Variants in PDLIM5 observed in about 807,000 individuals in gnomAD.
PDLIM5 encodes PDZ and LIM domain protein 5.
PDLIM5 carries 34 observed loss-of-function variants against 64.2 expected under a neutral mutation model. The ratio of observed to expected loss-of-function variants is 0.53; its 90% CI spans 0.40 to 0.71. The LOEUF is 0.71. PDLIM5 is among the 30% of genes least tolerant of loss of function. PDLIM5 has a pLI of 0.00. For missense variants in PDLIM5, 683 were observed against 733.6 expected (o/e 0.93, Z 0.80); for synonymous variants, 253 against 269.1 (o/e 0.94, Z 0.59).
Position 94,664,235 on chromosome 4 carries a change from A to G in PDLIM5, c.*168A>G, listed in dbSNP as rs1742953708. 1 of 1,166,274 alleles carries G rather than the reference A, an allele frequency of 8.6e-7. No homozygotes were observed. Among genetic ancestry groups the G allele is most frequent in the Non-Finnish European group, 1.1e-6 (1 of 930,346 alleles). The allele number at this position is 1,166,274 out of a possible 1,614,324, so 72.2% of individuals were successfully genotyped here. A position where few individuals can be genotyped will look rare whatever the true frequency, so the allele number is the denominator to read the frequency against. On this transcript the variant is annotated 3_prime_UTR_variant, in exon 13 of 13. Coordinates refer to ENST00000317968, the MANE Select transcript of PDLIM5 (RefSeq NM_006457.5). ...CAAGTCTGAGGAAATATTTGGCTTC[A>G]TAAAGTAAAGAGACGGTTTGGCATT...
At chr4:94,631,463 C>T (rs1044093714) in intron 8 of PDLIM5, among the ~76,000 whole-genome samples, 5 of 152,144 alleles carry the variant, frequency 3.3e-5, no homozygotes, top group Non-Finnish European at 7.3e-5. Flanking sequence ...ATAACGCCTT[C>T]ATACATTTTT....
intron 2 of PDLIM5, among the ~76,000 whole-genome samples, chr4:94,493,033 C>G (rs1336335167): frequency 1.3e-5 from 2 of 152,110 alleles, no homozygotes; most frequent in Non-Finnish European, 2.9e-5. Flanking sequence ...CATGGCAACA[C>G]TTGTTATTGT....
At chr4:94,498,685 G>A (rs549539022) in intron 2 of PDLIM5, among the ~76,000 whole-genome samples, 3 of 152,312 alleles carry the variant, frequency 2.0e-5, no homozygotes, top group Admixed American at 6.5e-5. Context: ...ATGAATGCAT[G>A]TGTGCATCCA....
intron 5 of PDLIM5, chr4:94,579,636 A>C: frequency 1.9e-6 from 1 of 518,102 alleles, no homozygotes; most frequent in Non-Finnish European, 3.4e-6. Flanking sequence ...ATTTTGCAAA[A>C]GAGCTGTAAT....
At chr4:94,621,898 A>G (rs1332746924) in intron 8 of PDLIM5, among the ~76,000 whole-genome samples, 3 of 152,234 alleles carry the variant, frequency 2.0e-5, no homozygotes, top group Non-Finnish European at 2.9e-5. Flanking sequence ...ACAAAATTAT[A>G]AAAAGAATGT....
intron 3 of PDLIM5, among the ~76,000 whole-genome samples, chr4:94,530,992 C>G (rs73833932): frequency 0.017 from 2,619 of 152,208 alleles, 73 homozygotes; most frequent in African/African-American, 0.06. Context: ...GTACTTTTTT[C>G]AATCGAAGTT....
At chr4:94,574,655 A>G (rs1735099222) in intron 4 of PDLIM5, among the ~76,000 whole-genome samples, 1 of 152,132 alleles carries the variant, frequency 6.6e-6, no homozygotes, top group Non-Finnish European at 1.5e-5. Context: ...CTAACGCTCT[A>G]CCTCTGAGCT....
intron 11 of PDLIM5, among the ~76,000 whole-genome samples, chr4:94,659,861 C>T (rs1742536377): frequency 6.7e-6 from 1 of 149,366 alleles, no homozygotes; most frequent in Non-Finnish European, 1.5e-5. Context: ...TTAGATCAAG[C>T]TTAAACCCTT....
Position 94,540,204 on chromosome 4 carries a change from C to T in PDLIM5, c.248+16329C>T, listed in dbSNP as rs1034716259. On this transcript the variant is annotated intron_variant, in intron 3 of 12. Transcript: ENST00000317968. Reference sequence around the variant, plus strand: ...GGAGTGCAGTGGCGCGATCTCGGCTCATTGCAAGCTCTGCCTCCCGGGTTC... The same window carrying T: ...GGAGTGCAGTGGCGCGATCTCGGCTTATTGCAAGCTCTGCCTCCCGGGTTC... 3.3e-5 allele frequency among the ~76,000 whole-genome samples: 5 copies of T among 150,806 alleles called. No homozygotes were observed. The South Asian group carries it at 6.3e-4, about 19-fold the overall frequency.
chr4:94,654,301 CTG>C (rs1244162395), intron 9 of PDLIM5, among the ~76,000 whole-genome samples, 157 bp from the exon 10 acceptor site: 1 of 152,196 alleles, frequency 6.6e-6, no homozygotes, highest in Non-Finnish European at 1.5e-5. Context: ...CAGAGTCCCT[CTG>C]TGAATTTACA....
rs555548196 is a variant in PDLIM5, at chr4:94,494,743, G to GT, written c.97-28974dup. On this transcript the variant is annotated intron_variant, in intron 2 of 12. Transcript: ENST00000317968. ...ATGTGAGCCACCGTGCCTGACCACA[G>GT]TTTTTTTGCTATCGTTGTTTTTTGT... is the stretch of plus-strand genomic sequence containing the variant. Among the ~76,000 whole-genome samples, 11 of 150,824 alleles carry GT rather than the reference G, an allele frequency of 7.3e-5. 1 individual carries two copies. The South Asian group carries it at 2.3e-3, about 32-fold the overall frequency.
chr4:94,664,979 T>C lies in PDLIM5; in HGVS notation c.*912T>C, dbSNP rs761095024. ...TGTGTCATGCCAGTAAGAGATGTTA[T>C]ATTCTTTTCTCATTTCTTCCCCACC... On this transcript the variant is annotated 3_prime_UTR_variant, in exon 13 of 13. Coordinates refer to ENST00000317968, the MANE Select transcript of PDLIM5 (RefSeq NM_006457.5). The C allele has an allele frequency of 1.3e-5, 13 of 981,990 alleles. No homozygotes were observed. The highest frequency in any genetic ancestry group is 1.6e-5 in the Non-Finnish European group (13 of 826,856). The allele number at this position is 981,990 out of a possible 1,614,324, so 60.8% of individuals were successfully genotyped here. A position where few individuals can be genotyped will look rare whatever the true frequency, so the allele number is the denominator to read the frequency against.
At chr4:94,526,885 A>C (rs1730409424) in intron 3 of PDLIM5, among the ~76,000 whole-genome samples, 1 of 150,672 alleles carries the variant, frequency 6.6e-6, no homozygotes, top group African/African-American at 2.4e-5. Context: ...GGCGCATGTC[A>C]CCATTCCTGG....
chr4:94,631,447 A>G (rs1205000436), intron 8 of PDLIM5, among the ~76,000 whole-genome samples: 3 of 152,344 alleles, frequency 2.0e-5, no homozygotes. Flanking sequence ...CAAGGAAAAT[A>G]AAATAATAAC....
rs149745318 is a variant in PDLIM5 at position 94,566,744 on chromosome 4, C to A, written c.249-6607C>A. Reference sequence around the variant, plus strand: ...AGGCGGGAACTCTGTCTCTTTAGGGCTCTAAGCTTTTCTTGAAAGGAAGAA... The same window carrying A: ...AGGCGGGAACTCTGTCTCTTTAGGGATCTAAGCTTTTCTTGAAAGGAAGAA... On this transcript the variant is annotated intron_variant, in intron 3 of 12. Transcript: ENST00000317968. Among the ~76,000 whole-genome samples, 578 of 152,236 alleles carry A rather than the reference C, an allele frequency of 3.8e-3. 2 individuals are homozygous for A. The highest frequency in any genetic ancestry group is 0.013 in the African/African-American group (547 of 41,532).
intron 2 of PDLIM5, among the ~76,000 whole-genome samples, chr4:94,466,256 C>G (rs567343914): frequency 1.3e-5 from 2 of 152,324 alleles, no homozygotes; most frequent in South Asian, 4.1e-4. Context: ...GCCTGAGCCA[C>G]TGGGCCAGGT....
intron 2 of PDLIM5, among the ~76,000 whole-genome samples, chr4:94,521,117 G>C (rs1729788912): frequency 6.6e-6 from 1 of 152,144 alleles, no homozygotes; most frequent in Non-Finnish European, 1.5e-5. Context: ...AAACAGATTG[G>C]TGACAAATTA....
intron 3 of PDLIM5, among the ~76,000 whole-genome samples, chr4:94,527,420 C>T (rs1730473612): frequency 6.6e-6 from 1 of 152,138 alleles, no homozygotes; most frequent in Admixed American, 6.5e-5. Context: ...CCAGATTACT[C>T]TGAATTCTTC....
Position 94,664,289 on chromosome 4 carries a change from C to T in PDLIM5, c.*222C>T, listed in dbSNP as rs1742956797. 1.1e-6 allele frequency: 1 copy of T among 886,136 alleles called. No homozygotes were observed. The highest frequency in any genetic ancestry group is 5.0e-5 in the South Asian group (1 of 19,868). The allele number at this position is 886,136 out of a possible 1,614,324, so 54.9% of individuals were successfully genotyped here. On this transcript the variant is annotated 3_prime_UTR_variant, in exon 13 of 13. Transcript: ENST00000317968. ...TATTACTTTTTCCTGTATTTTATGCCCATAAAATAAGCTTTATAAAAACCA... is the reference window on the plus strand; with the variant it reads ...TATTACTTTTTCCTGTATTTTATGCTCATAAAATAAGCTTTATAAAAACCA...
Sources: allele counts gnomAD v4.1 joint callset (sites outside exome capture counted in the v4.1 genomes callset), GRCh38; gene constraint gnomAD v4.1.1; transcripts MANE v1.5; gene names NCBI Gene and HGNC (gene_info 2026-07-23, HGNC 2026-07-21).